Variants in OR1J2 observed in about 807,000 individuals in gnomAD.
OR1J2 encodes the protein olfactory receptor 1J2.
For missense variants in OR1J2, 304 were observed against 246.1 expected, an observed-to-expected ratio of 1.24 and a Z score of -1.57; for synonymous variants, 142 against 99.7, an observed-to-expected ratio of 1.42 and a Z score of -2.52.
chr9:122,470,489 A>T, the OR1J2 span, among the ~76,000 whole-genome samples: 1 of 152,174 alleles, frequency 6.6e-6, no homozygotes, highest in Non-Finnish European at 1.5e-5. Flanking sequence ...CTCATGGAGA[A>T]CCTTTGCTAG....
chr9:122,477,964 G>GA, the OR1J2 span: 2 of 1,405,616 alleles, frequency 1.4e-6, no homozygotes, highest in South Asian at 1.3e-5. Flanking sequence ...AAATTTGAAG[G>GA]AAAAAAATGG....
the OR1J2 span, among the ~76,000 whole-genome samples, chr9:122,537,838 C>T: frequency 6.6e-6 from 1 of 152,134 alleles, no homozygotes; most frequent in Admixed American, 6.5e-5. Context: ...GAGAACAGCT[C>T]TCTGCAGCAG....
chr9:122,559,126 T>C, the OR1J2 span, among the ~76,000 whole-genome samples: 1 of 152,044 alleles, frequency 6.6e-6, no homozygotes, highest in Admixed American at 6.5e-5. Flanking sequence ...CATGCTTTTG[T>C]ACAATAGAAC....
At chr9:122,470,490 C>G in the OR1J2 span, among the ~76,000 whole-genome samples, 1 of 152,168 alleles carries the variant, frequency 6.6e-6, no homozygotes, top group African/African-American at 2.4e-5. Context: ...TCATGGAGAA[C>G]CTTTGCTAGG....
the OR1J2 span, among the ~76,000 whole-genome samples, chr9:122,484,400 C>T: frequency 1.8e-4 from 27 of 152,012 alleles, no homozygotes; most frequent in African/African-American, 6.5e-4. Context: ...GACCTTGTGA[C>T]CTGCCTGCCT....
the OR1J2 span, among the ~76,000 whole-genome samples, chr9:122,487,369 T>C: frequency 6.6e-6 from 1 of 152,042 alleles, no homozygotes; most frequent in African/African-American, 2.4e-5. Flanking sequence ...AATAATGATG[T>C]CCACCCTAAA....
At chr9:122,567,543 G>C in the OR1J2 span, 3 of 1,549,228 alleles carry the variant, frequency 1.9e-6, no homozygotes, top group South Asian at 3.8e-5. Context: ...TCAAGAGGGT[G>C]CTTCCTAGGA....
the OR1J2 span, among the ~76,000 whole-genome samples, chr9:122,545,984 A>G: frequency 7.9e-5 from 12 of 151,896 alleles, no homozygotes; most frequent in Non-Finnish European, 1.5e-4. Flanking sequence ...AGTGTCTATT[A>G]TAGTTATTCC....
chr9:122,538,510 A>G, the OR1J2 span, among the ~76,000 whole-genome samples: 1 of 152,204 alleles, frequency 6.6e-6, no homozygotes, highest in African/African-American at 2.4e-5. Context: ...GAAGTCGCTT[A>G]TCAGATCGGT....
the OR1J2 span, chr9:122,519,366 G>C: frequency 3.5e-5 from 57 of 1,613,990 alleles, no homozygotes; most frequent in Non-Finnish European, 4.8e-5. Flanking sequence ...CCTTTCATCT[G>C]TCACTGTCCC....
At chr9:122,542,698 T>G in the OR1J2 span, among the ~76,000 whole-genome samples, 1 of 152,214 alleles carries the variant, frequency 6.6e-6, no homozygotes, top group South Asian at 2.1e-4. Context: ...TTACATAAAA[T>G]GTACCTATTT....
At chr9:122,556,522 T>A in the OR1J2 span, among the ~76,000 whole-genome samples, 3 of 152,052 alleles carry the variant, frequency 2.0e-5, no homozygotes, top group Middle Eastern at 3.4e-3. Flanking sequence ...TGTTGGGGGT[T>A]AGGGGACAAG....
chr9:122,543,908 C>T, the OR1J2 span, among the ~76,000 whole-genome samples: 2 of 152,278 alleles, frequency 1.3e-5, no homozygotes, highest in African/African-American at 4.8e-5. Flanking sequence ...TATTTAAAGC[C>T]ATTAAGTTTT....
chr9:122,561,235 A>T, the OR1J2 span, among the ~76,000 whole-genome samples: 19 of 152,240 alleles, frequency 1.2e-4, no homozygotes, highest in East Asian at 3.7e-3. Flanking sequence ...TTAGCAGCTC[A>T]TGTAAGCCTT....
At chr9:122,453,391 T>C in the OR1J2 span, among the ~76,000 whole-genome samples, 1 of 152,162 alleles carries the variant, frequency 6.6e-6, no homozygotes, top group East Asian at 1.9e-4. Flanking sequence ...TCCAGAAAAG[T>C]CATTTCCACT....
downstream of OR1J2, among the ~76,000 whole-genome samples, chr9:122,513,897 A>T (rs1236345287): frequency 2.6e-5 from 4 of 152,216 alleles, no homozygotes; most frequent in Admixed American, 2.0e-4. Context: ...AGTAGCCTTG[A>T]TCCGACAGCT....
At chr9:122,515,349 A>AG (rs1828684686), downstream of OR1J2, among the ~76,000 whole-genome samples, 2 of 64,936 alleles carry the variant, frequency 3.1e-5, no homozygotes, top group African/African-American at 2.0e-4. Context: ...CTCCAGGAGC[A>AG]GGTTGTGTGT....
At chr9:122,554,229 TCTA>T in the OR1J2 span, 1 of 1,209,868 alleles carries the variant, frequency 8.3e-7, no homozygotes, top group Non-Finnish European at 1.2e-6. Flanking sequence ...CTTCAGTAAT[TCTA>T]CTACTGTCAT....
chr9:122,518,218 T>C, the OR1J2 span, among the ~76,000 whole-genome samples: 2 of 152,280 alleles, frequency 1.3e-5, no homozygotes, highest in African/African-American at 4.8e-5. Flanking sequence ...CATATTTTTC[T>C]CATTCCTGAT....
Sources: allele counts gnomAD v4.1 joint callset (sites outside exome capture counted in the v4.1 genomes callset), GRCh38; gene constraint gnomAD v4.1.1; transcripts MANE v1.5; gene names NCBI Gene and HGNC (gene_info 2026-07-23, HGNC 2026-07-21).